Variants in RAD51B observed in about 807,000 individuals in gnomAD.
RAD51B encodes RAD51 paralog B.
In RAD51B, 38 loss-of-function variants were observed where a neutral mutation model predicts 42.2. The ratio of observed to expected loss-of-function variants is 0.90; its 90% CI spans 0.70 to 1.18. The LOEUF (loss-of-function observed/expected upper bound fraction) is 1.18, where lower values mean the gene tolerates loss of function less well. Ranked by LOEUF, RAD51B falls within the 50% of genes most tolerant of loss-of-function variation. The pLI is 0.00. For synonymous variants in RAD51B, 154 were observed against 145.2 expected (o/e 1.06, Z -0.43); for missense variants, 373 against 400.7 (o/e 0.93, Z 0.59).
chr14:67,873,408 G>A (rs2042612856), intron 5 of RAD51B, among the ~76,000 whole-genome samples: 1 of 152,006 alleles, frequency 6.6e-6, no homozygotes, highest in Non-Finnish European at 1.5e-5. Context: ...ACACCAGTTA[G>A]AATGGCAATC....
intron 7 of RAD51B, among the ~76,000 whole-genome samples, chr14:68,083,969 CT>C (rs1595372865): frequency 6.6e-6 from 1 of 152,248 alleles, no homozygotes; most frequent in East Asian, 1.9e-4. Flanking sequence ...AAGAAACAAT[CT>C]TTTTGTTTCC....
intron 10 of RAD51B, among the ~76,000 whole-genome samples, chr14:68,602,515 T>C (rs921232513): frequency 3.6e-5 from 3 of 84,382 alleles, no homozygotes; most frequent in Non-Finnish European, 9.2e-5. Context: ...GCTAGATAGA[T>C]AGCTAGCTAG....
chr14:68,662,794 A>G (rs1429447448), intron 11 of RAD51B, among the ~76,000 whole-genome samples: 1 of 152,206 alleles, frequency 6.6e-6, no homozygotes, highest in African/African-American at 2.4e-5. Flanking sequence ...CTTGTAGATG[A>G]GAGAAATTAA....
intron 9 of RAD51B, among the ~76,000 whole-genome samples, chr14:68,453,337 A>G (rs2085605137): frequency 6.6e-6 from 1 of 152,238 alleles, no homozygotes; most frequent in Admixed American, 6.5e-5. Context: ...AAGTGATACA[A>G]GATTGGCAAG....
chr14:68,449,394 G>A (rs181125882), intron 9 of RAD51B, among the ~76,000 whole-genome samples: 2 of 152,308 alleles, frequency 1.3e-5, no homozygotes, highest in African/African-American at 4.8e-5. Context: ...TCTCCTTAAA[G>A]ATGCTGGTCT....
intron 10 of RAD51B, among the ~76,000 whole-genome samples, chr14:68,523,538 A>G (rs1439149134): frequency 6.6e-6 from 1 of 152,196 alleles, no homozygotes; most frequent in Non-Finnish European, 1.5e-5. Context: ...GAGAGAACCC[A>G]CTATGCCTTA....
intron 7 of RAD51B, among the ~76,000 whole-genome samples, chr14:67,927,792 G>A (rs571933340): frequency 0.026 from 3,808 of 148,958 alleles, 228 homozygotes; most frequent in African/African-American, 0.093. Context: ...TATAATGTGT[G>A]TGTCTTTTAT....
intron 7 of RAD51B, among the ~76,000 whole-genome samples, chr14:68,056,094 T>G (rs997123798): frequency 6.6e-6 from 1 of 152,192 alleles, no homozygotes; most frequent in African/African-American, 2.4e-5. Context: ...TACTAGAAAC[T>G]AGAGCTTACT....
chr14:67,985,513 G>A (rs1474360535), intron 7 of RAD51B, among the ~76,000 whole-genome samples: 1 of 151,986 alleles, frequency 6.6e-6, no homozygotes, highest in African/African-American at 2.4e-5. Flanking sequence ...ACTAATCTAA[G>A]GATTGAGGGA....
intron 7 of RAD51B, among the ~76,000 whole-genome samples, chr14:68,257,865 G>C (rs775621529): frequency 6.6e-6 from 1 of 152,138 alleles, no homozygotes; most frequent in Non-Finnish European, 1.5e-5. Flanking sequence ...TAAAATGGTA[G>C]AGAACCACAA....
chr14:68,217,558 T>C (rs1283400921), intron 7 of RAD51B, among the ~76,000 whole-genome samples: 2 of 152,116 alleles, frequency 1.3e-5, no homozygotes, highest in African/African-American at 2.4e-5. Context: ...GAGTCAAGAA[T>C]TGTGGTATGG....
intron 10 of RAD51B, among the ~76,000 whole-genome samples, chr14:68,619,217 G>A (rs8011917): frequency 0.13 from 20,051 of 152,284 alleles, 1,483 homozygotes; most frequent in Non-Finnish European, 0.17. Context: ...GCTCACGCCT[G>A]TAATCCCAGC....
At chr14:68,513,322 T>C (rs1885880445) in intron 10 of RAD51B, among the ~76,000 whole-genome samples, 1 of 152,160 alleles carries the variant, frequency 6.6e-6, no homozygotes, top group Non-Finnish European at 1.5e-5. Context: ...TTCGACAGGG[T>C]GAGGCTGGGC....
chr14:67,824,241 C>T (rs575419305), intron 2 of RAD51B, among the ~76,000 whole-genome samples: 3 of 151,986 alleles, frequency 2.0e-5, no homozygotes, highest in Admixed American at 1.3e-4. Flanking sequence ...AAGGTTTTAT[C>T]TTAGGATTTT....
chr14:68,107,843 A>G (rs1470530335), intron 7 of RAD51B, among the ~76,000 whole-genome samples: 1 of 151,826 alleles, frequency 6.6e-6, no homozygotes, highest in African/African-American at 2.4e-5. Flanking sequence ...CTAAAACTAT[A>G]AAACTCTTAG....
At chr14:68,290,572 T>G (rs904323121) in intron 7 of RAD51B, among the ~76,000 whole-genome samples, 2 of 152,320 alleles carry the variant, frequency 1.3e-5, no homozygotes, top group East Asian at 1.9e-4. Flanking sequence ...CTTTATTTTG[T>G]ATAAGTAGGA....
At chr14:68,219,072 A>G (rs952058625) in intron 7 of RAD51B, among the ~76,000 whole-genome samples, 4 of 152,340 alleles carry the variant, frequency 2.6e-5, no homozygotes, top group South Asian at 4.2e-4. Context: ...AGATTAATAA[A>G]GAGAAAGGGA....
intron 7 of RAD51B, among the ~76,000 whole-genome samples, chr14:68,054,983 A>T (rs1595333077): frequency 6.6e-6 from 1 of 152,126 alleles, no homozygotes; most frequent in Non-Finnish European, 1.5e-5. Context: ...GTGGGGGGAA[A>T]ATCCCCACAC....
At chr14:68,521,294 C>T (rs369926813) in intron 10 of RAD51B, among the ~76,000 whole-genome samples, 5 of 152,288 alleles carry the variant, frequency 3.3e-5, no homozygotes, top group South Asian at 2.1e-4. Context: ...TCAGGACCTC[C>T]AGGTCCTGAC....
Sources: allele counts gnomAD v4.1 joint callset (sites outside exome capture counted in the v4.1 genomes callset), GRCh38; gene constraint gnomAD v4.1.1; transcripts MANE v1.5; gene names NCBI Gene and HGNC (gene_info 2026-07-23, HGNC 2026-07-21).